Variants in RIMBP2 observed in about 807,000 individuals in gnomAD.
RIMBP2 encodes RIMS binding protein 2.
In RIMBP2, 48 loss-of-function variants were observed where a neutral mutation model predicts 118.6. That is an observed-to-expected ratio of 0.40 (90% confidence interval 0.32 to 0.51). The LOEUF (loss-of-function observed/expected upper bound fraction) is 0.51. RIMBP2 is among the 20% of genes least tolerant of loss of function. The probability of loss-of-function intolerance (pLI) is 0.41; values close to 1 mark genes in which losing one functional copy is unlikely to be tolerated. For missense variants in RIMBP2, 1,551 were observed against 1,768.3 expected (o/e 0.88, Z 2.20); for synonymous variants, 762 against 742.9 (o/e 1.03, Z -0.42).
rs138682422 is a variant in RIMBP2, at chr12:130,431,531, A to C, written c.2254-3194T>G. 1 of 286,740 alleles carries C rather than the reference A, an allele frequency of 3.5e-6. No individual in the cohort carries two copies. Among genetic ancestry groups the C allele is most frequent in the East Asian group, 9.9e-5 (1 of 10,058 alleles). The allele number at this position is 286,740 out of a possible 1,614,324, so 17.8% of individuals were successfully genotyped here. A position where few individuals can be genotyped will look rare whatever the true frequency, so the allele number is the denominator to read the frequency against. ...GAAAATATCTCAACTGTAAATGGAA[A>C]ATAAGTATCACTTATTTTATGTTAT... is the stretch of plus-strand genomic sequence containing the variant. On this transcript the variant is annotated intron_variant, in intron 14 of 22. Transcript: ENST00000690449. This position sits in a 1 kb window ranked among gnomAD's most constrained non-coding sequence, Gnocchi z 4.0.
At chr12:130,451,712 C>T (rs928913527) in intron 7 of RIMBP2, among the ~76,000 whole-genome samples, 15 of 152,260 alleles carry the variant, frequency 9.9e-5, no homozygotes, top group African/African-American at 2.9e-4. Context: ...GCGAGAGGAA[C>T]GCTCACGTGA....
intron 2 of RIMBP2, among the ~76,000 whole-genome samples, chr12:130,536,329 G>A (rs1342383041): frequency 3.9e-5 from 6 of 152,138 alleles, no homozygotes; most frequent in African/African-American, 7.2e-5. Context: ...AGAATAGGTC[G>A]ACACTGTTAA....
intron 2 of RIMBP2, among the ~76,000 whole-genome samples, chr12:130,606,238 T>C (rs1594010057): frequency 1.3e-5 from 2 of 152,164 alleles, no homozygotes; most frequent in South Asian, 2.1e-4. Flanking sequence ...TACACACAGG[T>C]GTTTTCTTGT....
At chr12:130,399,078 T>G in intron 22 of RIMBP2, 1 of 1,210,402 alleles carries the variant, frequency 8.3e-7, no homozygotes, top group Non-Finnish European at 1.1e-6. Context: ...GTAGCTTAAG[T>G]TGGTATCTTT....
intron 20 of RIMBP2, 40 bp from the exon 21 acceptor site, chr12:130,406,283 A>G: frequency 1.5e-6 from 2 of 1,352,822 alleles, no homozygotes; most frequent in African/African-American, 2.9e-5. Flanking sequence ...ATTTTTCTAC[A>G]CAACAGTAGT....
intron 1 of RIMBP2, among the ~76,000 whole-genome samples, chr12:130,655,258 C>T (rs1232044329): frequency 2.6e-5 from 4 of 152,230 alleles, no homozygotes; most frequent in African/African-American, 7.2e-5. Flanking sequence ...CATTACTTCC[C>T]TGTTTTATTT....
intron 2 of RIMBP2, among the ~76,000 whole-genome samples, chr12:130,584,993 C>A (rs1469756151): frequency 6.6e-6 from 1 of 152,128 alleles, no homozygotes; most frequent in East Asian, 1.9e-4. Flanking sequence ...TGGGCTCAAG[C>A]AATGCTCCTA....
rs1305316331 is a variant in RIMBP2 at position 130,523,496 on chromosome 12, T to C, written c.-216-5579A>G. On this transcript the variant is annotated intron_variant, in intron 2 of 22. Transcript: ENST00000690449. This position sits in a 1 kb window ranked among gnomAD's most constrained non-coding sequence, Gnocchi z 4.4. ...CCTTCACAGTGTCTCCCGAGGCAGC[T>C]CAAGGGCTCGTCAAGGAAGAAACTG... is the stretch of plus-strand genomic sequence containing the variant. Among the ~76,000 whole-genome samples the C allele has an allele frequency of 6.6e-6, 1 of 152,162 alleles. No individual in the cohort carries two copies. Among genetic ancestry groups the C allele is most frequent in the Non-Finnish European group, 1.5e-5 (1 of 68,042 alleles).
intron 2 of RIMBP2, among the ~76,000 whole-genome samples, chr12:130,585,720 C>A (rs192103242): frequency 6.6e-6 from 1 of 152,194 alleles, no homozygotes; most frequent in East Asian, 1.9e-4. Context: ...CAGCACTGAG[C>A]CCAGGAAATT....
At chr12:130,502,841 C>T (rs1159462638) in intron 4 of RIMBP2, among the ~76,000 whole-genome samples, 1 of 152,152 alleles carries the variant, frequency 6.6e-6, no homozygotes, top group East Asian at 1.9e-4. Context: ...CAATAAGCAG[C>T]TCATGGCCCA....
chr12:130,542,233 C>G (rs1310468382), intron 2 of RIMBP2, among the ~76,000 whole-genome samples: 1 of 147,558 alleles, frequency 6.8e-6, no homozygotes, highest in Non-Finnish European at 1.5e-5. Flanking sequence ...GGGGCTGGGG[C>G]ATGCAAAGGC....
At chr12:130,550,072 C>G (rs761103609) in intron 2 of RIMBP2, among the ~76,000 whole-genome samples, 1 of 152,162 alleles carries the variant, frequency 6.6e-6, no homozygotes, top group Non-Finnish European at 1.5e-5. Flanking sequence ...GATTGTATCT[C>G]ACTGAGTACA....
Position 130,412,607 on chromosome 12 carries a change from G to A in RIMBP2, c.3589+12C>T. 1 of 1,612,772 alleles carries A rather than the reference G, an allele frequency of 6.2e-7. No homozygotes were observed. On this transcript the variant is annotated intron_variant, in intron 19 of 22. Coordinates refer to ENST00000690449, the MANE Select transcript of RIMBP2 (RefSeq NM_001393629.1). ...AATGCACAGGGAAGGTCGAATAGGG[G>A]TTTGCGCTTACCTATTTTCTCCACA...
At chr12:130,468,350 G>A (rs996250911) in intron 6 of RIMBP2, among the ~76,000 whole-genome samples, 1 of 145,976 alleles carries the variant, frequency 6.9e-6, no homozygotes, top group African/African-American at 2.5e-5. Flanking sequence ...AGCCAACCTT[G>A]GGCCCCTCCC....
chr12:130,507,380 T>C (rs1337579138), intron 3 of RIMBP2, among the ~76,000 whole-genome samples: 2 of 152,170 alleles, frequency 1.3e-5, no homozygotes, highest in Non-Finnish European at 2.9e-5. Flanking sequence ...ACCAATAGAT[T>C]CTCCTTGTTT....
rs1017089641 is a variant in RIMBP2, at chr12:130,419,450, C to T, written c.3238+3003G>A. 1.3e-5 allele frequency: 2 copies of T among 152,232 alleles called. No individual in the cohort carries two copies. The highest frequency in any genetic ancestry group is 4.8e-5 in the African/African-American group (2 of 41,460). 9.4% of individuals were successfully genotyped at this position (152,232 alleles called of 1,614,324 possible). ...GAGAGGTTTCCCTCACTACCTGGCCCAGACCGACTGCCCTCACTGCTACTG... is the reference window on the plus strand; with the variant it reads ...GAGAGGTTTCCCTCACTACCTGGCCTAGACCGACTGCCCTCACTGCTACTG... On this transcript the variant is annotated intron_variant, in intron 17 of 22. Transcript: ENST00000690449. This position sits in a 1 kb window ranked among gnomAD's most constrained non-coding sequence, Gnocchi z 4.3.
chr12:130,472,407 C>T (rs2081084799), intron 5 of RIMBP2: 1 of 152,240 alleles, frequency 6.6e-6, no homozygotes, highest in African/African-American at 2.4e-5. Flanking sequence ...CTGTGCACCC[C>T]TCACACTGAC....
chr12:130,557,456 G>A (rs2056459332), intron 2 of RIMBP2, among the ~76,000 whole-genome samples: 1 of 152,250 alleles, frequency 6.6e-6, no homozygotes, highest in Non-Finnish European at 1.5e-5. Context: ...CTTGGAGGCG[G>A]GTCCCACCCT....
At chr12:130,677,058 T>C (rs1451986690) in intron 1 of RIMBP2, among the ~76,000 whole-genome samples, 1 of 152,174 alleles carries the variant, frequency 6.6e-6, no homozygotes. Flanking sequence ...TTAGGGGTTT[T>C]CAATCAGGAG....
Sources: allele counts gnomAD v4.1 joint callset (sites outside exome capture counted in the v4.1 genomes callset), GRCh38; gene constraint gnomAD v4.1.1; non-coding constraint Gnocchi (gnomAD v3.1); transcripts MANE v1.5; gene names NCBI Gene and HGNC (gene_info 2026-07-23, HGNC 2026-07-21).